The following BRCA1 variants were observed in gnomAD, a reference collection of about 807,000 sequenced individuals.
The protein encoded by BRCA1 is BRCA1 DNA repair associated, also known as breast cancer type 1 susceptibility protein.
In BRCA1, 140 loss-of-function variants were observed where a neutral mutation model predicts 173.7. The ratio of observed to expected loss-of-function variants is 0.81; its 90% CI spans 0.70 to 0.93. The LOEUF (loss-of-function observed/expected upper bound fraction) is 0.93, where lower values mean the gene tolerates loss of function less well. Among genes scored for constraint, BRCA1 ranks in the 40% least tolerant of loss-of-function variants. The pLI, the probability that BRCA1 is intolerant of heterozygous loss-of-function variation, is 0.00. For missense variants in BRCA1, 1,983 were observed against 2,172.5 expected, an observed-to-expected ratio of 0.91 and a Z score of 1.73; for synonymous variants, 662 against 756.0, an observed-to-expected ratio of 0.88 and a Z score of 2.04.
At chr17:43,100,682 T>TATAATATATATATATATATA (rs1567807798) in intron 6 of BRCA1, among the ~76,000 whole-genome samples, 1 of 74,472 alleles carries the variant, frequency 1.3e-5, no homozygotes. Context: ...ATATATAATA[T>TATAATATATATATATATATA]ATATATATAT....
chr17:43,091,465 GATT>G lies in BRCA1; in HGVS notation c.4063_4065del (p.Asn1355del), dbSNP rs80358341. The G allele has an allele frequency of 3.7e-6, 6 of 1,613,492 alleles. No individual in the cohort carries two copies. Among genetic ancestry groups the G allele is most frequent in the Non-Finnish European group, 4.2e-6 (5 of 1,179,764 alleles). ...TTTGAATCCATGCTTTGCTCTTCTT[GATT>G]ATTTTCTTCCAAGCCCGTTCCTCTT... On this transcript the variant is annotated inframe_deletion, in exon 10 of 23. Transcript: ENST00000357654.
chr17:43,066,256 G>T (rs935261717), intron 16 of BRCA1, among the ~76,000 whole-genome samples: 4 of 152,124 alleles, frequency 2.6e-5, no homozygotes, highest in Non-Finnish European at 5.9e-5. Flanking sequence ...AAAGAGAAAG[G>T]TATAGGACAA....
chr17:43,156,072 G>A (rs894762729), intron 1 of BRCA1, among the ~76,000 whole-genome samples: 1 of 151,896 alleles, frequency 6.6e-6, no homozygotes, highest in Non-Finnish European at 1.5e-5. Flanking sequence ...CCCCGCCTCT[G>A]CTAAAACTAC....
At chr17:43,047,575 G>A (rs2050968367) in intron 22 of BRCA1, 68 bp downstream of exon 22, 1 of 1,474,266 alleles carries the variant, frequency 6.8e-7, no homozygotes, top group South Asian at 1.1e-5. Context: ...CAAGCACCAG[G>A]TAATGAGTGA....
intron 3 of BRCA1, 94 bp downstream of exon 3, chr17:43,115,632 G>T: frequency 8.1e-7 from 1 of 1,238,118 alleles, no homozygotes; most frequent in South Asian, 1.3e-5. Context: ...CTTAATTGAA[G>T]AAAGTAAAGC....
intron 15 of BRCA1, among the ~76,000 whole-genome samples, chr17:43,068,464 A>C (rs948118359): frequency 2.0e-5 from 3 of 151,668 alleles, no homozygotes; most frequent in Non-Finnish European, 4.4e-5. Context: ...TAATCCCAGC[A>C]CTTTGGGAAG....
chr17:43,122,761 G>A lies in BRCA1; in HGVS notation c.80+1256C>T, dbSNP rs8176086. Among the ~76,000 whole-genome samples, 47,967 of 151,526 alleles carry A rather than the reference G, an allele frequency of 0.32. 7,916 individuals carry two copies. The highest frequency in any genetic ancestry group is 0.49 in the South Asian group (2,365 of 4,802). ...CTATCTCTACAACAGAAAAATACAAGAATGGCTGGACGCAGTGGCTTATGC... is the reference window on the plus strand; with the variant it reads ...CTATCTCTACAACAGAAAAATACAAAAATGGCTGGACGCAGTGGCTTATGC... On this transcript the variant is annotated intron_variant, in intron 2 of 22. Coordinates refer to ENST00000357654, the MANE Select transcript of BRCA1 (RefSeq NM_007294.4).
At chr17:43,086,635 A>T (rs1218413765) in intron 11 of BRCA1, among the ~76,000 whole-genome samples, 1 of 152,232 alleles carries the variant, frequency 6.6e-6, no homozygotes, top group African/African-American at 2.4e-5. Flanking sequence ...ATACAGAAAA[A>T]CAAGGACATT....
Position 43,063,936 on chromosome 17 carries a change from C to G in BRCA1, c.5090G>C (p.Cys1697Ser), listed in dbSNP as rs397507241. Residue 1697 changes from cysteine to serine, a missense_variant, in exon 17 of 23, where the codon TGT becomes TCT. By Grantham distance (112) the Cys-to-Ser change is moderately radical. Coordinates refer to ENST00000357654, the MANE Select transcript of BRCA1 (RefSeq NM_007294.4). ...VVMKTDAEFVCERTLKYFLGI... is the reference protein window; with the variant it reads ...VVMKTDAEFVSERTLKYFLGI... ...TAGAAAATATTTCAGTGTCCGTTCACACACAAACTCAGCATCTGCAGAATG... is the reference window on the plus strand; with the variant it reads ...TAGAAAATATTTCAGTGTCCGTTCAGACACAAACTCAGCATCTGCAGAATG... 1 of 1,614,080 alleles carries G rather than the reference C, an allele frequency of 6.2e-7. No individual in the cohort carries two copies. The highest frequency in any genetic ancestry group is 1.7e-5 in the Admixed American group (1 of 60,008).
chr17:43,083,624 A>G (rs1289250000), intron 11 of BRCA1, among the ~76,000 whole-genome samples: 1 of 152,142 alleles, frequency 6.6e-6, no homozygotes, highest in Middle Eastern at 3.2e-3. Context: ...TCTCATCTAG[A>G]ATGTGTCCAC....
At chr17:43,066,900 C>T (rs2052104050) in intron 16 of BRCA1, among the ~76,000 whole-genome samples, 1 of 150,092 alleles carries the variant, frequency 6.7e-6, no homozygotes. Flanking sequence ...TCACTGCAAC[C>T]TCCACCTCCT....
At chr17:43,127,656 C>T (rs530446406), upstream of BRCA1, among the ~76,000 whole-genome samples, 1 of 152,270 alleles carries the variant, frequency 6.6e-6, no homozygotes, top group Admixed American at 6.5e-5. Flanking sequence ...AGCACCCTGT[C>T]AAAACGGACC....
chr17:43,126,952 C>T (rs551539164), upstream of BRCA1, among the ~76,000 whole-genome samples: 1 of 152,146 alleles, frequency 6.6e-6, no homozygotes, highest in Admixed American at 6.5e-5. Context: ...CAGTCAGGGG[C>T]CTAGCACCCG....
At chr17:43,067,536 G>A (rs2052148844) in intron 16 of BRCA1, 72 bp downstream of exon 16, 2 of 1,281,162 alleles carry the variant, frequency 1.6e-6, no homozygotes, top group Admixed American at 1.7e-5. Context: ...TTACAGGCAT[G>A]CGCCACCGTG....
At chr17:43,123,349 GTTTTTTTT>G (rs149379936) in intron 2 of BRCA1, among the ~76,000 whole-genome samples, 9 of 85,158 alleles carry the variant, frequency 1.1e-4, no homozygotes, top group African/African-American at 2.3e-4. Context: ...GATCATCCAT[GTTTTTTTT>G]TTTTTTTTTT....
chr17:43,065,363 A>G lies in BRCA1; in HGVS notation c.5075-1412T>C, dbSNP rs8176245. 0.016 allele frequency among the ~76,000 whole-genome samples: 2,399 copies of G among 152,164 alleles called. 80 individuals are homozygous for G. The highest frequency in any genetic ancestry group is 0.054 in the African/African-American group (2,239 of 41,502). ...TTAGATCCTCTCCTTAAGTGCCTGTATCTCTGTGAAAAGAATCATCATAGG... is the reference window on the plus strand; with the variant it reads ...TTAGATCCTCTCCTTAAGTGCCTGTGTCTCTGTGAAAAGAATCATCATAGG... On this transcript the variant is annotated intron_variant, in intron 16 of 22. Transcript: ENST00000357654.
upstream of BRCA1, among the ~76,000 whole-genome samples, chr17:43,129,432 A>G (rs760308893): frequency 6.6e-6 from 1 of 152,118 alleles, no homozygotes; most frequent in Non-Finnish European, 1.5e-5. Flanking sequence ...AAAAGAGACG[A>G]AGATTAATTT....
At chr17:43,065,111 T>C (rs1039291094) in intron 16 of BRCA1, among the ~76,000 whole-genome samples, 1 of 152,204 alleles carries the variant, frequency 6.6e-6, no homozygotes, top group Non-Finnish European at 1.5e-5. Flanking sequence ...ATTACAGGCC[T>C]GAGCCACCAC....
chr17:43,108,184 A>C (rs2054876130), intron 3 of BRCA1, among the ~76,000 whole-genome samples: 1 of 151,756 alleles, frequency 6.6e-6, no homozygotes, highest in Non-Finnish European at 1.5e-5. Context: ...CTAAATATTC[A>C]AAAATTAGCT....
Sources: allele counts gnomAD v4.1 joint callset (sites outside exome capture counted in the v4.1 genomes callset), GRCh38; gene constraint gnomAD v4.1.1; transcripts MANE v1.5; gene names NCBI Gene and HGNC (gene_info 2026-07-23, HGNC 2026-07-21).